SMIM14: variants seen among roughly 807,000 people sequenced by gnomAD.
SMIM14 encodes small integral membrane protein 14.
Under a neutral mutation model 12.6 loss-of-function variants are expected in SMIM14, and 5 were observed. The ratio of observed to expected loss-of-function variants is 0.40; its 90% CI spans 0.21 to 0.83. SMIM14 has a LOEUF of 0.83. SMIM14 is among the 40% of genes least tolerant of loss of function. The pLI, the probability that SMIM14 is intolerant of heterozygous loss-of-function variation, is 0.37. For missense variants in SMIM14, 86 were observed against 119.1 expected (o/e 0.72, Z 1.29); for synonymous variants, 30 against 40.1 (o/e 0.75, Z 0.95).
intron 1 of SMIM14, among the ~76,000 whole-genome samples, chr4:39,609,463 A>C (rs1363054861): frequency 6.6e-6 from 1 of 152,132 alleles, no homozygotes; most frequent in Non-Finnish European, 1.5e-5. Flanking sequence ...TACATTAGGG[A>C]GAGGTAGAAG....
At chr4:39,632,300 T>C (rs1715929743) in intron 1 of SMIM14, among the ~76,000 whole-genome samples, 1 of 150,836 alleles carries the variant, frequency 6.6e-6, no homozygotes, top group Non-Finnish European at 1.5e-5. Flanking sequence ...GTCAACATGG[T>C]GAAACCCCGT....
Position 39,558,736 on chromosome 4 carries a change from G to C in SMIM14, c.125-2166C>G, listed in dbSNP as rs1306140533. Among the ~76,000 whole-genome samples, 1 of 152,144 alleles carries C rather than the reference G, an allele frequency of 6.6e-6. No individual in the cohort carries two copies. The highest frequency in any genetic ancestry group is 1.5e-5 in the Non-Finnish European group (1 of 68,018). On this transcript the variant is annotated intron_variant, in intron 3 of 4. Coordinates refer to ENST00000295958, the MANE Select transcript of SMIM14 (RefSeq NM_174921.3). This position sits in a 1 kb window ranked among gnomAD's most constrained non-coding sequence, Gnocchi z 4.3. ...TTTTTTTGTTTGTTTTTTTGAGACA[G>C]AGTCTTGCCCTGTCGTCCAAGCTGG...
chr4:39,632,280 G>C (rs1384670963), intron 1 of SMIM14, among the ~76,000 whole-genome samples: 1 of 151,386 alleles, frequency 6.6e-6, no homozygotes, highest in Non-Finnish European at 1.5e-5. Context: ...AAGAGATCAA[G>C]ACCATCCTGG....
intron 1 of SMIM14, among the ~76,000 whole-genome samples, chr4:39,613,807 T>C (rs1715118197): frequency 6.6e-6 from 1 of 152,158 alleles, no homozygotes; most frequent in East Asian, 1.9e-4. Flanking sequence ...GCTTGATCCT[T>C]GAGGACAAGC....
chr4:39,584,431 G>A (rs1209074399), intron 2 of SMIM14, among the ~76,000 whole-genome samples: 5 of 131,098 alleles, frequency 3.8e-5, no homozygotes, highest in African/African-American at 8.2e-5. Context: ...GCAGTGAGCC[G>A]AGATCTTGCC....
intron 2 of SMIM14, chr4:39,583,942 A>C (rs184905390): frequency 1.3e-5 from 2 of 152,216 alleles, no homozygotes; most frequent in East Asian, 3.9e-4. Flanking sequence ...CACCTGATTA[A>C]TCTCCTCAGG....
At chr4:39,601,947 T>TA (rs976663747) in intron 2 of SMIM14, among the ~76,000 whole-genome samples, 23 of 140,470 alleles carry the variant, frequency 1.6e-4, no homozygotes, top group African/African-American at 4.2e-4. Flanking sequence ...GACCCTATCT[T>TA]AAAAAAAAAA....
At chr4:39,591,217 AT>A (rs1375810754) in intron 2 of SMIM14, among the ~76,000 whole-genome samples, 4 of 152,030 alleles carry the variant, frequency 2.6e-5, no homozygotes, top group African/African-American at 4.8e-5. Flanking sequence ...TTTTTTAAAT[AT>A]TTTTGATTTA....
At position 39,582,619 on chromosome 4, in the gene SMIM14, G is replaced by C. The variant is rs563290814; in HGVS notation, c.76-10156C>G. Among the ~76,000 whole-genome samples the C allele has an allele frequency of 4.6e-5, 7 of 151,292 alleles. No individual in the cohort carries two copies. The East Asian group carries it at 1.4e-3, about 30-fold the overall frequency. On this transcript the variant is annotated intron_variant, in intron 2 of 4. Transcript: ENST00000295958. ...GCAGAGGTTGCAGTGAGCCAAGACT[G>C]TGCCAATGCACTCCAGCCTGGGCAA...
chr4:39,553,595 G>GT lies in SMIM14; in HGVS notation c.268-1438dup, dbSNP rs370247858. On this transcript the variant is annotated intron_variant, in intron 4 of 4. Coordinates refer to ENST00000295958, the MANE Select transcript of SMIM14 (RefSeq NM_174921.3). Reference sequence around the variant, plus strand: ...TTTTTATATAGTGCTAATAATGCCGGTTTTTTTTTTTTTTTGAGATGGAGT... The same window carrying GT: ...TTTTTATATAGTGCTAATAATGCCGGTTTTTTTTTTTTTTTTGAGATGGAGT... Among the ~76,000 whole-genome samples the GT allele has an allele frequency of 7.9e-3, 1,116 of 140,734 alleles. 5 individuals are homozygous for GT. The highest frequency in any genetic ancestry group is 0.026 in the Middle Eastern group (7 of 274). 92.3% of individuals were successfully genotyped at this position (140,734 alleles called of 152,430 possible). A position where few individuals can be genotyped will look rare whatever the true frequency, so the allele number is the denominator to read the frequency against.
rs540735829 is a variant in SMIM14, at chr4:39,572,888, G to T, written c.76-425C>A. The stretch of plus-strand genomic sequence containing the variant: ...GTCTCACTCTGTTGCCTAGGCTGGA[G>T]TGCAGGGGTGCAATCCTAGCTCACT... On this transcript the variant is annotated intron_variant, in intron 2 of 4. Coordinates refer to ENST00000295958, the MANE Select transcript of SMIM14 (RefSeq NM_174921.3). Among the ~76,000 whole-genome samples, 4 of 152,116 alleles carry T rather than the reference G, an allele frequency of 2.6e-5. No individual in the cohort carries two copies. In the East Asian group the frequency reaches 7.7e-4, roughly 29 times the overall value.
intron 4 of SMIM14, among the ~76,000 whole-genome samples, chr4:39,555,178 T>TA (rs900011663): frequency 4.3e-4 from 64 of 147,142 alleles, no homozygotes; most frequent in East Asian, 3.3e-3. Flanking sequence ...AATTCAGTGT[T>TA]AAAAAAAAAA....
At chr4:39,632,725 C>T (rs1715949004) in intron 1 of SMIM14, among the ~76,000 whole-genome samples, 1 of 147,402 alleles carries the variant, frequency 6.8e-6, no homozygotes. Flanking sequence ...CTGCAATGAG[C>T]CGAGATCGCC....
At chr4:39,576,686 T>TATATATA (rs1560289819) in intron 2 of SMIM14, among the ~76,000 whole-genome samples, 37 of 4,666 alleles carry the variant, frequency 7.9e-3, no homozygotes, top group South Asian at 0.012. Flanking sequence ...ATATATATAT[T>TATATATA]TTTTTTTTTT....
chr4:39,557,929 T>C (rs1712103688), intron 3 of SMIM14, among the ~76,000 whole-genome samples: 2 of 151,798 alleles, frequency 1.3e-5, no homozygotes, highest in African/African-American at 2.4e-5. Context: ...CACAAAGGAG[T>C]TGAATTCAGA....
At chr4:39,605,208 G>T in intron 1 of SMIM14, 28 bp from the exon 2 acceptor site, 1 of 1,301,268 alleles carries the variant, frequency 7.7e-7, no homozygotes, top group Non-Finnish European at 1.1e-6. Flanking sequence ...ATACTGTTAA[G>T]TCTACAATTC....
At chr4:39,560,602 C>G (rs1297077285) in intron 3 of SMIM14, among the ~76,000 whole-genome samples, 1 of 150,936 alleles carries the variant, frequency 6.6e-6, no homozygotes, top group African/African-American at 2.4e-5. Flanking sequence ...GCTGAGATCG[C>G]GCCACTGCAC....
intron 2 of SMIM14, chr4:39,593,117 C>G (rs1428563868): frequency 6.6e-6 from 1 of 151,858 alleles, no homozygotes; most frequent in Non-Finnish European, 1.5e-5. Flanking sequence ...GAATTTTAGA[C>G]CAATATCCTT....
chr4:39,611,335 G>A (rs914961803), intron 1 of SMIM14, among the ~76,000 whole-genome samples: 3 of 151,958 alleles, frequency 2.0e-5, no homozygotes, highest in Non-Finnish European at 2.9e-5. Flanking sequence ...GCCAAACCCC[G>A]TCTCTACTAA....
Sources: gnomAD v4.1 joint callset for allele counts (sites outside exome capture counted in the v4.1 genomes callset) on GRCh38, gnomAD v4.1.1 for gene constraint, Gnocchi (gnomAD v3.1) non-coding constraint, MANE v1.5 for transcripts, NCBI Gene and HGNC (gene_info 2026-07-23, HGNC 2026-07-21) for gene names.